The following PHF24 variants were observed in gnomAD, a reference collection of about 807,000 sequenced individuals.
The protein encoded by PHF24 is Galpha inhibitory interacting protein.
PHF24 carries 25 observed loss-of-function variants against 42.6 expected under a neutral mutation model. The ratio of observed to expected loss-of-function variants is 0.59; its 90% CI spans 0.43 to 0.82. The LOEUF is 0.82. Ranked by LOEUF, PHF24 falls within the 40% of genes least tolerant of loss-of-function variation. The pLI is 0.00. For synonymous variants in PHF24, 185 were observed against 204.8 expected, an observed-to-expected ratio of 0.90 and a Z score of 0.83; for missense variants, 470 against 538.1, an observed-to-expected ratio of 0.87 and a Z score of 1.25.
chr9:34,974,897 T>C (rs1160421928), intron 3 of PHF24, among the ~76,000 whole-genome samples: 3 of 152,154 alleles, frequency 2.0e-5, no homozygotes, highest in African/African-American at 7.2e-5. Flanking sequence ...GTTCAATCTC[T>C]CCCTCATGCC....
At chr9:34,694,159 C>CTTTTTTTTT in the PHF24 span, among the ~76,000 whole-genome samples, 125 of 66,194 alleles carry the variant, frequency 1.9e-3, 6 homozygotes, top group Non-Finnish European at 2.6e-3. Context: ...TATCTCTATT[C>CTTTTTTTTT]TTTTTTTTTT....
chr9:34,826,427 C>G, the PHF24 span, among the ~76,000 whole-genome samples: 3 of 152,208 alleles, frequency 2.0e-5, no homozygotes, highest in East Asian at 5.8e-4. Context: ...GCATTCGGCC[C>G]TGGTTGTCTG....
At chr9:34,781,008 C>G in the PHF24 span, among the ~76,000 whole-genome samples, 7 of 152,164 alleles carry the variant, frequency 4.6e-5, no homozygotes, top group Admixed American at 3.9e-4. Flanking sequence ...TGTGGAGAAA[C>G]TAGAACCTTT....
the PHF24 span, among the ~76,000 whole-genome samples, chr9:34,799,446 T>C: frequency 3.3e-4 from 50 of 152,224 alleles, no homozygotes; most frequent in Admixed American, 6.5e-5. Context: ...AAGAAGTTCA[T>C]GTATTTGTTA....
chr9:34,694,336 A>T, the PHF24 span, among the ~76,000 whole-genome samples: 2 of 143,936 alleles, frequency 1.4e-5, no homozygotes. Context: ...CGCTTGGCTA[A>T]TTTTTTTTTT....
chr9:34,936,838 G>A, the PHF24 span, among the ~76,000 whole-genome samples: 21 of 148,470 alleles, frequency 1.4e-4, no homozygotes, highest in South Asian at 4.3e-3. Flanking sequence ...CCTGGCAACC[G>A]CCCCGTCTGA....
chr9:34,890,645 C>T, the PHF24 span, among the ~76,000 whole-genome samples: 12 of 152,208 alleles, frequency 7.9e-5, no homozygotes, highest in African/African-American at 2.9e-4. Context: ...AATGTTTTCC[C>T]TTGGTTTAGC....
chr9:34,926,934 G>A, the PHF24 span, among the ~76,000 whole-genome samples: 1 of 152,074 alleles, frequency 6.6e-6, no homozygotes, highest in Non-Finnish European at 1.5e-5. The surrounding 1 kb of genome is among the most constrained non-coding windows in gnomAD (Gnocchi z 4.3). Flanking sequence ...CAGCCTGAAG[G>A]AGTATTTCCC....
the PHF24 span, among the ~76,000 whole-genome samples, chr9:34,753,159 C>T: frequency 2.0e-5 from 3 of 151,988 alleles, no homozygotes; most frequent in Non-Finnish European, 4.4e-5. Context: ...TACTGGAAGT[C>T]CTAGCTACAG....
chr9:34,875,363 C>T, the PHF24 span, among the ~76,000 whole-genome samples: 1 of 152,060 alleles, frequency 6.6e-6, no homozygotes, highest in Non-Finnish European at 1.5e-5. Flanking sequence ...GTAAAATGAT[C>T]CTAAGGCTGT....
chr9:34,675,723 A>G, the PHF24 span, among the ~76,000 whole-genome samples: 1 of 152,152 alleles, frequency 6.6e-6, no homozygotes, highest in Admixed American at 6.5e-5. Flanking sequence ...GGTCACTCTG[A>G]ACCTCAGGGT....
intron 1 of PHF24, among the ~76,000 whole-genome samples, chr9:34,965,124 A>G (rs894403820): frequency 1.3e-5 from 2 of 152,222 alleles, no homozygotes. Flanking sequence ...TTTACCTGGC[A>G]CCAATCACTA....
At chr9:34,787,775 C>T in the PHF24 span, among the ~76,000 whole-genome samples, 1 of 152,106 alleles carries the variant, frequency 6.6e-6, no homozygotes, top group African/African-American at 2.4e-5. Context: ...TCCTTTCCTT[C>T]CATTTACTCC....
chr9:34,973,815 C>T lies in PHF24; in HGVS notation c.564+1284C>T, dbSNP rs747206591. 1.2e-4 allele frequency among the ~76,000 whole-genome samples: 18 copies of T among 152,106 alleles called. 1 individual carries two copies. The South Asian group carries it at 2.1e-3, about 18-fold the overall frequency. On this transcript the variant is annotated intron_variant, in intron 3 of 7. Coordinates refer to ENST00000242315, the Ensembl canonical transcript of PHF24. ...CTTTCATCTCGGCCACTCTGCTTTG[C>T]GGTGTGCTGCTGCTATAGGACTGGG...
At chr9:34,666,124 T>G in the PHF24 span, 1 of 187,620 alleles carries the variant, frequency 5.3e-6, no homozygotes, top group Non-Finnish European at 1.1e-5. Context: ...GGTGTTCATG[T>G]CTCCCAGAGG....
At chr9:34,749,438 A>G in the PHF24 span, among the ~76,000 whole-genome samples, 1 of 152,134 alleles carries the variant, frequency 6.6e-6, no homozygotes, top group East Asian at 1.9e-4. Flanking sequence ...AGTCAAGGAT[A>G]TATAAAGGAT....
the PHF24 span, among the ~76,000 whole-genome samples, chr9:34,738,476 G>C: frequency 6.6e-6 from 1 of 152,084 alleles, no homozygotes; most frequent in African/African-American, 2.4e-5. Context: ...TCAGCCTCCT[G>C]AGTAGCTGGG....
the PHF24 span, among the ~76,000 whole-genome samples, chr9:34,915,781 G>T: frequency 6.6e-6 from 1 of 152,130 alleles, no homozygotes; most frequent in Non-Finnish European, 1.5e-5. Context: ...GATTGGATTC[G>T]TCCTCTTAGG....
rs950556569 is a variant in PHF24 at position 34,958,899 on chromosome 9, C to T, written c.-5+498C>T. On this transcript the variant is annotated intron_variant, in intron 1 of 7. Coordinates refer to ENST00000242315, the Ensembl canonical transcript of PHF24. The surrounding 1 kb of genome is among the most constrained non-coding windows in gnomAD (Gnocchi z 4.5). ...GGGAGGGGGATCCTCCCATGGGATC[C>T]ATGAGTGACTTCCCACGGCTCCAAG... Among the ~76,000 whole-genome samples the T allele has an allele frequency of 1.3e-5, 2 of 152,300 alleles. No individual in the cohort carries two copies. Among genetic ancestry groups the T allele is most frequent in the South Asian group, 2.1e-4 (1 of 4,830 alleles).
Sources: gnomAD v4.1 joint callset for allele counts (sites outside exome capture counted in the v4.1 genomes callset) on GRCh38, gnomAD v4.1.1 for gene constraint, Gnocchi (gnomAD v3.1) non-coding constraint, MANE v1.5 for transcripts, NCBI Gene and HGNC (gene_info 2026-07-23, HGNC 2026-07-21) for gene names.